Variants in CELA2B observed in about 807,000 individuals in gnomAD.
CELA2B encodes the protein chymotrypsin like elastase 2B.
CELA2B carries 27 observed loss-of-function variants against 36.5 expected under a neutral mutation model. The observed-to-expected ratio is 0.74, with a 90% CI of 0.55 to 1.02. The LOEUF is 1.02. Ranked by LOEUF, CELA2B falls within the 50% of genes least tolerant of loss-of-function variation. CELA2B has a pLI of 0.00. For synonymous variants in CELA2B, 143 were observed against 148.5 expected, an observed-to-expected ratio of 0.96 and a Z score of 0.27; for missense variants, 340 against 347.8, an observed-to-expected ratio of 0.98 and a Z score of 0.18.
At position 15,486,039 on chromosome 1, in the gene CELA2B, C is replaced by A. The variant is rs1356943897; in HGVS notation, c.632C>A (p.Thr211Asn). Residue 211 changes from threonine to asparagine, a missense_variant, in exon 6 of 8, where the codon ACC becomes AAC. Thr to Asn is a moderately conservative substitution (Grantham distance 65). Transcript: ENST00000375910. ...GCTGGGGGTGATGGCGTGATATGCA[C>A]CTGCAACGTGAGTACCAAAAATCAG... Reference protein sequence around the residue: ...ICAGGDGVICTCNGDSGGPLN... With the variant: ...ICAGGDGVICNCNGDSGGPLN... The A allele has an allele frequency of 6.2e-7, 1 of 1,612,918 alleles. No individual in the cohort carries two copies. The highest frequency in any genetic ancestry group is 1.1e-5 in the South Asian group (1 of 91,022).
intron 3 of CELA2B, 49 bp downstream of exon 3, chr1:15,481,244 T>C (rs1256233672): frequency 5.0e-6 from 8 of 1,608,026 alleles, no homozygotes; most frequent in Admixed American, 3.3e-5. Context: ...CCGGTGCTCA[T>C]TTCTGAGCTG....
chr1:15,484,657 T>C (rs1017297190), intron 5 of CELA2B, among the ~76,000 whole-genome samples: 9 of 152,168 alleles, frequency 5.9e-5, no homozygotes, highest in East Asian at 1.9e-4. Context: ...CTGGGGCAGG[T>C]GCATTTCATC....
In CELA2B at chr1:15,488,165, T is replaced by C. The variant is rs146179701; in HGVS notation, c.792+728T>C. ...ACTTTGGGAGGCCAAGGAAGGAGGA[T>C]TGCTTGAGCCCAGGAGTTCAAGAGC... On this transcript the variant is annotated intron_variant, in intron 7 of 7. Coordinates refer to ENST00000375910, the MANE Select transcript of CELA2B (RefSeq NM_015849.3). Among the ~76,000 whole-genome samples, 516 of 152,340 alleles carry C rather than the reference T, an allele frequency of 3.4e-3. 2 individuals are homozygous for C. Among genetic ancestry groups the C allele is most frequent in the African/African-American group, 0.012 (505 of 41,562 alleles).
chr1:15,482,252 C>G lies in CELA2B; in HGVS notation c.228-13C>G, dbSNP rs1557524811. On this transcript the variant is annotated splice_polypyrimidine_tract_variant and intron_variant, in intron 3 of 7. Transcript: ENST00000375910. ...CTGGAGGTGACCCTCTCCCTGGGAC[C>G]CCTTTCTCCCAGCTCCTCCGGGATC... 6.2e-7 allele frequency: 1 copy of G among 1,613,402 alleles called. No homozygotes were observed. Among genetic ancestry groups the G allele is most frequent in the Non-Finnish European group, 8.5e-7 (1 of 1,179,690 alleles).
chr1:15,480,947 T>C (rs995064286), intron 2 of CELA2B, 151 bp from the exon 3 acceptor site: 5 of 728,014 alleles, frequency 6.9e-6, no homozygotes, highest in Non-Finnish European at 1.2e-5. Context: ...TTTATCTTCA[T>C]GGCTGAGGTT....
At position 15,487,434 on chromosome 1, in the gene CELA2B, T is replaced by A; in HGVS notation, c.789T>A (p.Asn263Lys). The A allele has an allele frequency of 2.5e-6, 4 of 1,614,218 alleles. No homozygotes were observed. The highest frequency in any genetic ancestry group is 1.7e-6 in the Non-Finnish European group (2 of 1,180,026). The change falls in exon 7 of 8, where the codon AAT (asparagine) becomes AAA (lysine). Residue 263 changes from asparagine to lysine, a missense_variant. By Grantham distance (94) the Asn-to-Lys change is moderately conservative. Coordinates refer to ENST00000375910, the MANE Select transcript of CELA2B (RefSeq NM_015849.3). ...TCTCCAACTACAACGACTGGATCAA[T>A]TCGGTAAGAACCGGAGCAGCCCTGA... ...TRVSNYNDWINSVIANN is the reference protein window; with the variant it reads ...TRVSNYNDWIKSVIANN
At chr1:15,483,215 G>A in intron 4 of CELA2B, 49 bp from the exon 5 acceptor site, 1 of 1,610,768 alleles carries the variant, frequency 6.2e-7, no homozygotes, top group South Asian at 1.1e-5. Flanking sequence ...GCCCCATAGG[G>A]CAGGAAAAGT....
intron 2 of CELA2B, among the ~76,000 whole-genome samples, chr1:15,478,221 GAT>G (rs1217053053): frequency 8.4e-5 from 3 of 35,686 alleles, no homozygotes; most frequent in African/African-American, 2.7e-4. Context: ...TATATATTGG[GAT>G]ATATAGTTTG....
intron 2 of CELA2B, among the ~76,000 whole-genome samples, chr1:15,480,806 G>T (rs1046500272): frequency 1.3e-5 from 2 of 152,056 alleles, no homozygotes; most frequent in Admixed American, 6.5e-5. Context: ...ACGTTGCCCA[G>T]GCTGGTCTCA....
chr1:15,489,637 A>G (rs557567396), intron 7 of CELA2B, among the ~76,000 whole-genome samples: 26 of 152,316 alleles, frequency 1.7e-4, no homozygotes, highest in Non-Finnish European at 3.4e-4. Flanking sequence ...CAAGCAAAAG[A>G]TAAGAGCAGA....
Position 15,476,469 on chromosome 1 carries a change from G to A in CELA2B, c.53G>A (p.Gly18Glu), listed in dbSNP as rs751583802. ...STLVAGALSC[G>E]VSTYAPDMSR... is the part of the protein sequence containing the mutation. The stretch of plus-strand genomic sequence containing the variant: ...TCTCTTTTCACAGCCCTCAGTTGTG[G>A]GGTCTCCACTTACGCGCCTGATATG... Residue 18 changes from glycine (G) to glutamate (E), a missense_variant, in exon 2 of 8, where the codon GGG (glycine) becomes GAG (glutamate). By Grantham distance (98) the Gly-to-Glu change is moderately conservative. Transcript: ENST00000375910. The A allele has an allele frequency of 1.2e-6, 2 of 1,613,986 alleles. No individual in the cohort carries two copies. Among genetic ancestry groups the A allele is most frequent in the Non-Finnish European group, 1.7e-6 (2 of 1,180,020 alleles).
chr1:15,484,498 G>A (rs139166317), intron 5 of CELA2B, among the ~76,000 whole-genome samples: 334 of 152,200 alleles, frequency 2.2e-3, no homozygotes, highest in African/African-American at 7.3e-3. Flanking sequence ...ATCCACATAC[G>A]TACCCTCAAA....
At chr1:15,485,547 A>G (rs1335193523) in intron 5 of CELA2B, among the ~76,000 whole-genome samples, 4 of 152,250 alleles carry the variant, frequency 2.6e-5, no homozygotes, top group African/African-American at 9.6e-5. Flanking sequence ...TCACTGAGAA[A>G]TTTCTTTCTT....
At chr1:15,479,676 T>TGCATATGTACATGAGCGTGC (rs1708717555) in intron 2 of CELA2B, among the ~76,000 whole-genome samples, 2 of 152,204 alleles carry the variant, frequency 1.3e-5, no homozygotes, top group African/African-American at 4.8e-5. Context: ...TGTCTGTGTG[T>TGCATATGTACATGAGCGTGC]GCATATGTAC....
chr1:15,486,614 T>A (rs1374629850), intron 6 of CELA2B, among the ~76,000 whole-genome samples: 1 of 152,240 alleles, frequency 6.6e-6, no homozygotes, highest in Non-Finnish European at 1.5e-5. Context: ...TCTGTATCCT[T>A]TCCTCTACGC....
chr1:15,484,661 T>C (rs766896199), intron 5 of CELA2B, among the ~76,000 whole-genome samples: 3 of 152,096 alleles, frequency 2.0e-5, no homozygotes, highest in Non-Finnish European at 2.9e-5. Flanking sequence ...GGCAGGTGCA[T>C]TTCATCTGAG....
At chr1:15,483,136 G>T in intron 4 of CELA2B, 128 bp from the exon 5 acceptor site, 2 of 1,410,454 alleles carry the variant, frequency 1.4e-6, no homozygotes, top group South Asian at 1.4e-5. Context: ...CATGCCCTGT[G>T]GGCCCTGCCG....
Position 15,487,373 on chromosome 1 carries a change from GCAA to G in CELA2B, c.730_732del (p.Asn244del). The stretch of plus-strand genomic sequence containing the variant: ...GGCAGCCTCACGTCGGTCCTTGGTT[GCAA>G]CTACTACTACAAGCCCTCCATCTTC... On this transcript the variant is annotated inframe_deletion, in exon 7 of 8. Transcript: ENST00000375910. The G allele has an allele frequency of 6.2e-7, 1 of 1,614,236 alleles. No individual in the cohort carries two copies. Among genetic ancestry groups the G allele is most frequent in the South Asian group, 1.1e-5 (1 of 91,090 alleles).
Position 15,487,408 on chromosome 1 carries a change from G to C in CELA2B, c.763G>C (p.Val255Leu). The C allele has an allele frequency of 6.2e-7, 1 of 1,614,232 alleles. No homozygotes were observed. Among genetic ancestry groups the C allele is most frequent in the Non-Finnish European group, 8.5e-7 (1 of 1,180,046 alleles). Residue 255 changes from valine (V) to leucine (L), a missense_variant, in exon 7 of 8, where the codon GTC (valine) becomes CTC (leucine). Physicochemically the swap from Val to Leu is conservative, Grantham distance 32. Coordinates refer to ENST00000375910, the MANE Select transcript of CELA2B (RefSeq NM_015849.3). ...CTACAAGCCCTCCATCTTCACGCGG[G>C]TCTCCAACTACAACGACTGGATCAA... ...YYYKPSIFTR[V>L]SNYNDWINSV...
Sources: allele counts gnomAD v4.1 joint callset (sites outside exome capture counted in the v4.1 genomes callset), GRCh38; gene constraint gnomAD v4.1.1; transcripts MANE v1.5; gene names NCBI Gene and HGNC (gene_info 2026-07-23, HGNC 2026-07-21).